CLTC: variants seen among roughly 807,000 people sequenced by gnomAD.
The protein encoded by CLTC is clathrin heavy chain.
A neutral mutation model predicts 195.8 loss-of-function variants in CLTC; 16 were observed. The observed-to-expected ratio is 0.08, with a 90% CI of 0.06 to 0.12. CLTC has a LOEUF of 0.12. CLTC is among the 10% of genes least tolerant of loss of function. The pLI is 1.00. For synonymous variants in CLTC, 667 were observed against 689.4 expected, an observed-to-expected ratio of 0.97 and a Z score of 0.51; for missense variants, 796 against 2,027.0, an observed-to-expected ratio of 0.39 and a Z score of 11.66.
chr17:59,681,292 A>C lies in CLTC; in HGVS notation c.3066-3A>C, dbSNP rs1374590300. 3 of 1,584,698 alleles carry C rather than the reference A, an allele frequency of 1.9e-6. No individual in the cohort carries two copies. The highest frequency in any genetic ancestry group is 1.1e-5 in the South Asian group (1 of 87,370). On this transcript the variant is annotated splice_region_variant and splice_polypyrimidine_tract_variant and intron_variant, in intron 19 of 31. Transcript: ENST00000269122. This position sits in a 1 kb window ranked among gnomAD's most constrained non-coding sequence, Gnocchi z 5.0. ...ATTTAAAATATTCTTTTTTTTCTTAAAGGAATCTGCAAAACCTCCTTATCC... is the reference window on the plus strand; with the variant it reads ...ATTTAAAATATTCTTTTTTTTCTTACAGGAATCTGCAAAACCTCCTTATCC...
chr17:59,653,143 C>G (rs182722656), intron 5 of CLTC, among the ~76,000 whole-genome samples: 1 of 151,940 alleles, frequency 6.6e-6, no homozygotes, highest in African/African-American at 2.4e-5. Context: ...AATGTTGTAG[C>G]TGGTTGGATC....
intron 9 of CLTC, 107 bp from the exon 10 acceptor site, chr17:59,664,680 G>C (rs1322192028): frequency 8.6e-7 from 1 of 1,168,656 alleles, no homozygotes; most frequent in Non-Finnish European, 1.2e-6. Flanking sequence ...ATGAATTTGT[G>C]CTTTCACCAG....
intron 1 of CLTC, among the ~76,000 whole-genome samples, chr17:59,625,262 C>T (rs1011348959): frequency 2.1e-4 from 32 of 151,866 alleles, no homozygotes; most frequent in African/African-American, 7.5e-4. Context: ...GCGCGTGCTA[C>T]CACGCCCAGC....
chr17:59,620,078 GC>G lies in CLTC; in HGVS notation c.-52del. 1 of 1,588,578 alleles carries G rather than the reference GC, an allele frequency of 6.3e-7. No individual in the cohort carries two copies. Among genetic ancestry groups the G allele is most frequent in the South Asian group, 1.1e-5 (1 of 90,370 alleles). ...TCCTCTCCCTTGGAGAGCCCGGGCA[GC>G]CACTGCCCCGCAGCCCCAGTGACAG... On this transcript the variant is annotated 5_prime_UTR_variant, in exon 1 of 32. Coordinates refer to ENST00000269122, the MANE Select transcript of CLTC (RefSeq NM_004859.4).
chr17:59,684,163 A>AT, intron 28 of CLTC, 178 bp downstream of exon 28: 1 of 562,096 alleles, frequency 1.8e-6, no homozygotes, highest in Non-Finnish European at 3.2e-6. Context: ...AGTTTTCAGA[A>AT]TTTTGCTCAG....
At chr17:59,670,776 G>T (rs1338121456) in intron 14 of CLTC, among the ~76,000 whole-genome samples, 2 of 152,066 alleles carry the variant, frequency 1.3e-5, no homozygotes, top group Non-Finnish European at 2.9e-5. Flanking sequence ...CTGGGTACTA[G>T]GATGGTACTG....
intron 5 of CLTC, among the ~76,000 whole-genome samples, chr17:59,653,204 T>A (rs8071030): frequency 0.58 from 88,250 of 150,910 alleles, 28,695 homozygotes; most frequent in Non-Finnish European, 0.74. Context: ...TTATTTATTT[T>A]TTTTTTTGAG....
intron 15 of CLTC, 149 bp downstream of exon 15, chr17:59,673,921 CAG>C (rs2032909231): frequency 1.8e-6 from 1 of 551,462 alleles, no homozygotes; most frequent in Admixed American, 3.3e-5. Flanking sequence ...GTTTTGGAGA[CAG>C]GGTCTTGCTC....
rs2032979866 is a variant in CLTC, at chr17:59,676,942, C to CT, written c.2562-6dup. 4.4e-6 allele frequency: 7 copies of CT among 1,605,822 alleles called. No individual in the cohort carries two copies. The highest frequency in any genetic ancestry group is 1.3e-5 in the African/African-American group (1 of 74,434). ...AGTATGTGTGTGTGAGGTTTTTTTC[C>CT]TTTTTTCCTAGATTGAAACTGCTTC... On this transcript the variant is annotated splice_polypyrimidine_tract_variant and intron_variant, in intron 16 of 31. Transcript: ENST00000269122.
chr17:59,629,279 C>G (rs1290471682), intron 1 of CLTC, among the ~76,000 whole-genome samples: 1 of 152,046 alleles, frequency 6.6e-6, no homozygotes, highest in East Asian at 1.9e-4. Context: ...TTATTAAAAG[C>G]CTTACTGAAT....
intron 1 of CLTC, among the ~76,000 whole-genome samples, chr17:59,638,819 C>T (rs1035387356): frequency 1.3e-5 from 2 of 152,080 alleles, no homozygotes; most frequent in African/African-American, 4.8e-5. Context: ...GCCTGTGGTT[C>T]GGGATCCCTG....
At chr17:59,642,110 G>A (rs1354438192) in intron 1 of CLTC, among the ~76,000 whole-genome samples, 3 of 151,138 alleles carry the variant, frequency 2.0e-5, no homozygotes, top group Admixed American at 2.0e-4. Flanking sequence ...ATCTAACAAG[G>A]AATTGGAAAC....
At chr17:59,668,350 C>G (rs2032776358) in intron 13 of CLTC, among the ~76,000 whole-genome samples, 1 of 152,128 alleles carries the variant, frequency 6.6e-6, no homozygotes, top group Non-Finnish European at 1.5e-5. Context: ...AATTCAAGAC[C>G]AGCCTGGCTA....
At chr17:59,692,054 C>G (rs376341352) in intron 31 of CLTC, among the ~76,000 whole-genome samples, 1 of 152,154 alleles carries the variant, frequency 6.6e-6, no homozygotes, top group Non-Finnish European at 1.5e-5. Context: ...TGCAGTGGCT[C>G]ACGCCTGTAA....
chr17:59,690,443 T>C, intron 30 of CLTC, 193 bp from the exon 31 acceptor site: 1 of 482,276 alleles, frequency 2.1e-6, no homozygotes, highest in South Asian at 3.5e-5. Context: ...TGAGGGTTTA[T>C]AATGACAGTG....
intron 9 of CLTC, among the ~76,000 whole-genome samples, chr17:59,664,210 C>CA (rs1157078301): frequency 6.6e-6 from 1 of 152,130 alleles, no homozygotes. Context: ...AGATAGCAGG[C>CA]ACGTTTAACA....
chr17:59,657,728 A>T (rs2032505738), intron 6 of CLTC, among the ~76,000 whole-genome samples: 1 of 150,130 alleles, frequency 6.7e-6, no homozygotes, highest in Non-Finnish European at 1.5e-5. Flanking sequence ...AGATCGCGCC[A>T]CTGTACTCTA....
In CLTC at chr17:59,636,006, C is replaced by T. The variant is rs1004587017; in HGVS notation, c.43-8270C>T. ...AGGCAGACACCTGAGGTCGGGAGTTCGAGACCAGCCTGAGCTACTCCGGAG... is the reference window on the plus strand; with the variant it reads ...AGGCAGACACCTGAGGTCGGGAGTTTGAGACCAGCCTGAGCTACTCCGGAG... On this transcript the variant is annotated intron_variant, in intron 1 of 31. Coordinates refer to ENST00000269122, the MANE Select transcript of CLTC (RefSeq NM_004859.4). Among the ~76,000 whole-genome samples the T allele has an allele frequency of 3.3e-5, 5 of 152,168 alleles. No individual in the cohort carries two copies. The East Asian group carries it at 5.8e-4, about 18-fold the overall frequency.
intron 16 of CLTC, among the ~76,000 whole-genome samples, chr17:59,675,749 T>C (rs1344931617): frequency 6.6e-6 from 1 of 152,156 alleles, no homozygotes; most frequent in Non-Finnish European, 1.5e-5. Context: ...TACTGCATAT[T>C]CCAAGCAAAT....
Sources: gnomAD v4.1 joint callset for allele counts (sites outside exome capture counted in the v4.1 genomes callset) on GRCh38, gnomAD v4.1.1 for gene constraint, Gnocchi (gnomAD v3.1) non-coding constraint, MANE v1.5 for transcripts, NCBI Gene and HGNC (gene_info 2026-07-23, HGNC 2026-07-21) for gene names.